PTPN13: variants seen among roughly 807,000 people sequenced by gnomAD.
PTPN13 encodes tyrosine-protein phosphatase non-receptor type 13.
A neutral mutation model predicts 284.0 loss-of-function variants in PTPN13; 191 were observed. The ratio of observed to expected loss-of-function variants is 0.67; its 90% CI spans 0.60 to 0.76. PTPN13 has a LOEUF of 0.76. Among genes scored for constraint, PTPN13 ranks in the 30% least tolerant of loss-of-function variants. The probability of loss-of-function intolerance (pLI) is 0.00; values close to 1 mark genes in which losing one functional copy is unlikely to be tolerated. For synonymous variants in PTPN13, 986 were observed against 1,022.3 expected (o/e 0.96, Z 0.68); for missense variants, 2,797 against 2,939.9 (o/e 0.95, Z 1.12).
Position 86,759,032 on chromosome 4 carries a change from T to A in PTPN13, c.3512T>A (p.Val1171Glu), listed in dbSNP as rs1244188326. ...IEILQNAPED[V>E]TLVISQPKEK... ...ATTTTGCAAAATGCACCTGAAGATG[T>A]GACACTTGTTATCTCTCAGCCAAAA... The change falls in exon 23 of 48, where the codon GTG becomes GAG. Residue 1171 changes from valine to glutamate, a missense_variant. Transcript: ENST00000411767. The A allele has an allele frequency of 1.9e-6, 3 of 1,613,664 alleles. No individual in the cohort carries two copies. In the Admixed American group the frequency reaches 5.0e-5, roughly 27 times the overall value.
intron 2 of PTPN13, chr4:86,661,090 C>T (rs1430272976): frequency 2.0e-5 from 9 of 453,660 alleles, no homozygotes; most frequent in African/African-American, 1.2e-4. Context: ...CATACAATTA[C>T]CACCCAGATT....
chr4:86,735,469 C>T (rs1310450947), intron 14 of PTPN13, 125 bp from the exon 15 acceptor site: 2 of 982,006 alleles, frequency 2.0e-6, no homozygotes, highest in African/African-American at 1.6e-5. Flanking sequence ...ACTCATTCCT[C>T]AGAGAGAGAG....
In PTPN13 at chr4:86,722,354, A is replaced by G. The variant is rs528780177; in HGVS notation, c.1528A>G (p.Lys510Glu). ...RLSLYPGDTI[K>E]ASMLDITRDP... ...GAGCCTATATCCAGGAGACACAATC[A>G]AAGCGTCCATGCTTGACATCACCAG... is the stretch of plus-strand genomic sequence containing the variant. The change falls in exon 10 of 48, where the codon AAA becomes GAA. Residue 510 changes from lysine (K) to glutamate (E), a missense_variant. Coordinates refer to ENST00000411767, the MANE Select transcript of PTPN13 (RefSeq NM_080683.3). 21 of 1,613,880 alleles carry G rather than the reference A, an allele frequency of 1.3e-5. No homozygotes were observed. In the Admixed American group the frequency reaches 3.0e-4, roughly 23 times the overall value.
intron 2 of PTPN13, among the ~76,000 whole-genome samples, chr4:86,653,723 A>G (rs960963856): frequency 6.6e-6 from 1 of 152,170 alleles, no homozygotes; most frequent in Non-Finnish European, 1.5e-5. Flanking sequence ...CAGTGTGTAT[A>G]TATTTAAAAA....
intron 30 of PTPN13, among the ~76,000 whole-genome samples, chr4:86,770,842 A>G (rs1318135032): frequency 6.6e-6 from 1 of 152,206 alleles, no homozygotes; most frequent in African/African-American, 2.4e-5. Flanking sequence ...GCAGAAATAA[A>G]GGTATAGCCA....
At chr4:86,622,428 G>C (rs1001552864) in intron 1 of PTPN13, among the ~76,000 whole-genome samples, 1 of 152,014 alleles carries the variant, frequency 6.6e-6, no homozygotes, top group Admixed American at 6.6e-5. Flanking sequence ...GTTAACGAAG[G>C]GTAGTAAAAC....
intron 4 of PTPN13, among the ~76,000 whole-genome samples, chr4:86,687,830 TAGAG>T (rs1283753569): frequency 6.6e-6 from 1 of 152,052 alleles, no homozygotes; most frequent in Admixed American, 6.6e-5. Flanking sequence ...CAAATATAAA[TAGAG>T]AGTCAATATC....
rs1048490740 is a variant in PTPN13 at position 86,784,587 on chromosome 4, C to T, written c.6118+29C>T. The T allele has an allele frequency of 2.8e-6, 4 of 1,407,860 alleles. No homozygotes were observed. In the South Asian group the frequency reaches 4.9e-5, roughly 17 times the overall value. 87.2% of individuals were successfully genotyped at this position (1,407,860 alleles called of 1,614,324 possible). ...GTTTTCCAAATCAGTCATCTAATTA[C>T]TCTAAATGCCCTAATAATTCAGGTA... On this transcript the variant is annotated intron_variant, in intron 38 of 47. Coordinates refer to ENST00000411767, the MANE Select transcript of PTPN13 (RefSeq NM_080683.3).
chr4:86,654,191 T>G (rs1725458123), intron 2 of PTPN13, among the ~76,000 whole-genome samples: 1 of 152,080 alleles, frequency 6.6e-6, no homozygotes, highest in Admixed American at 6.5e-5. Flanking sequence ...CTGAAGGAGA[T>G]AGACACACAA....
intron 11 of PTPN13, 42 bp from the exon 12 acceptor site, chr4:86,732,547 TATA>T (rs766265618): frequency 1.9e-6 from 3 of 1,596,458 alleles, no homozygotes; most frequent in Non-Finnish European, 1.7e-6. Flanking sequence ...TTAAAATTCT[TATA>T]ATGCTTATTT....
At chr4:86,627,566 A>G (rs1195299513) in intron 1 of PTPN13, among the ~76,000 whole-genome samples, 1 of 151,674 alleles carries the variant, frequency 6.6e-6, no homozygotes, top group Non-Finnish European at 1.5e-5. Flanking sequence ...AATAAACTGT[A>G]CATATTTAAA....
At chr4:86,715,317 T>TTATA (rs779085799) in intron 7 of PTPN13, among the ~76,000 whole-genome samples, 6 of 152,158 alleles carry the variant, frequency 3.9e-5, no homozygotes. Context: ...AAAACTTTGA[T>TTATA]TATATATATG....
chr4:86,601,784 A>G lies in PTPN13; in HGVS notation c.-6+6995A>G, dbSNP rs1317892859. On this transcript the variant is annotated intron_variant, in intron 1 of 47. Coordinates refer to ENST00000411767, the MANE Select transcript of PTPN13 (RefSeq NM_080683.3). Reference sequence around the variant, plus strand: ...ACTTAAGAATCACTGTCTGTGAGCCACAATGTTTGAGGATTTTTCTAGATG... The same window carrying G: ...ACTTAAGAATCACTGTCTGTGAGCCGCAATGTTTGAGGATTTTTCTAGATG... Among the ~76,000 whole-genome samples, 6 of 152,326 alleles carry G rather than the reference A, an allele frequency of 3.9e-5. No individual in the cohort carries two copies. In the East Asian group the frequency reaches 1.2e-3, roughly 29 times the overall value.
chr4:86,672,320 T>C (rs1471400713), intron 2 of PTPN13, 45 bp from the exon 3 acceptor site: 3 of 1,448,940 alleles, frequency 2.1e-6, no homozygotes, highest in Middle Eastern at 1.8e-4. Context: ...TTAAGCAATT[T>C]TCTTCTTTTT....
chr4:86,689,655 C>T lies in PTPN13; in HGVS notation c.546+465C>T, dbSNP rs539442018. On this transcript the variant is annotated intron_variant, in intron 5 of 47. Transcript: ENST00000411767. ...AACCTTCTCCACTTTCCCTTCTTCT[C>T]GGAACACTGCTACCTAGTGTATCCA... The T allele has an allele frequency of 4.7e-4, 332 of 702,332 alleles. 4 individuals are homozygous for T. The highest frequency in any genetic ancestry group is 3.2e-3 in the South Asian group (213 of 67,552). 43.5% of individuals were successfully genotyped at this position (702,332 alleles called of 1,614,324 possible). A position where few individuals can be genotyped will look rare whatever the true frequency, so the allele number is the denominator to read the frequency against.
intron 40 of PTPN13, among the ~76,000 whole-genome samples, chr4:86,790,751 G>C (rs1477427180): frequency 6.6e-6 from 1 of 152,158 alleles, no homozygotes; most frequent in Non-Finnish European, 1.5e-5. Context: ...TATAAAAGTA[G>C]ACAGGGGCCA....
chr4:86,635,187 C>T, intron 1 of PTPN13, 65 bp from the exon 2 acceptor site: 1 of 1,520,352 alleles, frequency 6.6e-7, no homozygotes, highest in Non-Finnish European at 8.9e-7. Context: ...TGATGTAGAG[C>T]TTTTACTACT....
At chr4:86,599,706 TTG>T (rs1364364874) in intron 1 of PTPN13, among the ~76,000 whole-genome samples, 1 of 152,198 alleles carries the variant, frequency 6.6e-6, no homozygotes, top group African/African-American at 2.4e-5. Flanking sequence ...TAAAAATATA[TTG>T]TGTTATTTTT....
In PTPN13 at chr4:86,716,635, A is replaced by G. The variant is rs373992985; in HGVS notation, c.1291+10A>G. 20 of 1,513,128 alleles carry G rather than the reference A, an allele frequency of 1.3e-5. No individual in the cohort carries two copies. Among genetic ancestry groups the G allele is most frequent in the Admixed American group, 1.0e-4 (5 of 49,912 alleles). The allele number at this position is 1,513,128 out of a possible 1,614,324, so 93.7% of individuals were successfully genotyped here. A position where few individuals can be genotyped will look rare whatever the true frequency, so the allele number is the denominator to read the frequency against. ...TCAGATTTCAGACAAGGTAGGAGGCATCTGAAACAAGCAAACTGTTTTTAA... is the reference window on the plus strand; with the variant it reads ...TCAGATTTCAGACAAGGTAGGAGGCGTCTGAAACAAGCAAACTGTTTTTAA... On this transcript the variant is annotated intron_variant, in intron 8 of 47. Transcript: ENST00000411767.
Sources: gnomAD v4.1 joint callset for allele counts (sites outside exome capture counted in the v4.1 genomes callset) on GRCh38, gnomAD v4.1.1 for gene constraint, MANE v1.5 for transcripts, NCBI Gene and HGNC (gene_info 2026-07-23, HGNC 2026-07-21) for gene names.